Variants in CCNY observed in about 807,000 individuals in gnomAD.
The protein encoded by CCNY is cyclin Y.
CCNY carries 19 observed loss-of-function variants against 42.8 expected under a neutral mutation model. That is an observed-to-expected ratio of 0.44 (90% CI 0.31 to 0.65). The LOEUF is 0.65. Among genes scored for constraint, CCNY ranks in the 30% least tolerant of loss-of-function variants. The probability of loss-of-function intolerance (pLI) is 0.07; values close to 1 mark genes in which losing one functional copy is unlikely to be tolerated. For missense variants in CCNY, 370 were observed against 437.3 expected (o/e 0.85, Z 1.37); for synonymous variants, 165 against 162.7 (o/e 1.01, Z -0.11).
intron 1 of CCNY, among the ~76,000 whole-genome samples, chr10:35,360,026 G>T (rs777402384): frequency 3.3e-5 from 5 of 152,222 alleles, no homozygotes; most frequent in Non-Finnish European, 7.3e-5. Flanking sequence ...GGACAGTTGA[G>T]TTGCTTCTGC....
intron 1 of CCNY, among the ~76,000 whole-genome samples, chr10:35,461,332 A>G (rs1161851065): frequency 6.6e-6 from 1 of 152,180 alleles, no homozygotes; most frequent in Non-Finnish European, 1.5e-5. Context: ...GTGGGAATTT[A>G]TGGCCAAGGA....
chr10:35,493,621 A>G (rs1006259131), intron 2 of CCNY, among the ~76,000 whole-genome samples: 1 of 152,232 alleles, frequency 6.6e-6, no homozygotes, highest in East Asian at 1.9e-4. Context: ...GCCTGAAGAT[A>G]GCGATCCTCT....
chr10:35,383,809 T>C (rs1054994885), intron 1 of CCNY, among the ~76,000 whole-genome samples: 2 of 152,214 alleles, frequency 1.3e-5, no homozygotes, highest in East Asian at 3.8e-4. Flanking sequence ...TTGGGGACAG[T>C]ACTTTTAGGT....
At chr10:35,470,141 A>C (rs1057144721) in intron 1 of CCNY, among the ~76,000 whole-genome samples, 2 of 151,420 alleles carry the variant, frequency 1.3e-5, no homozygotes, top group African/African-American at 4.9e-5. Flanking sequence ...ATGGGGAGAC[A>C]AGGCAGTGGA....
intron 1 of CCNY, among the ~76,000 whole-genome samples, chr10:35,359,221 G>A (rs1407221797): frequency 6.6e-6 from 1 of 152,124 alleles, no homozygotes; most frequent in Non-Finnish European, 1.5e-5. Context: ...CCCCTGTCCT[G>A]TCCCCTCTGT....
intron 2 of CCNY, among the ~76,000 whole-genome samples, chr10:35,498,881 G>A (rs11010212): frequency 5.3e-5 from 8 of 152,204 alleles, no homozygotes; most frequent in Non-Finnish European, 1.0e-4. Flanking sequence ...AGGAAATAGG[G>A]TAGTGTGTAG....
chr10:35,449,918 A>C, intron 1 of CCNY: 1 of 447,164 alleles, frequency 2.2e-6, no homozygotes, highest in Non-Finnish European at 3.0e-6. Context: ...TAGGGTGTCA[A>C]GAGTTTACGG....
At chr10:35,337,498 C>T (rs1446224500) in intron 1 of CCNY, among the ~76,000 whole-genome samples, 6 of 152,232 alleles carry the variant, frequency 3.9e-5, no homozygotes, top group Admixed American at 2.0e-4. Flanking sequence ...AGCCGGCCCT[C>T]GTCCTTAATG....
chr10:35,274,035 C>G (rs145411549), intron 3 of CCNY, among the ~76,000 whole-genome samples: 1,622 of 152,258 alleles, frequency 0.011, 49 homozygotes, highest in South Asian at 0.1. Context: ...GTGTATTAGT[C>G]TGTTCTCAGG....
chr10:35,480,218 G>T (rs1270576131), intron 1 of CCNY, among the ~76,000 whole-genome samples: 1 of 152,166 alleles, frequency 6.6e-6, no homozygotes, highest in South Asian at 2.1e-4. Context: ...TGTGGCCCAG[G>T]GAGCATTCTT....
intron 4 of CCNY, among the ~76,000 whole-genome samples, chr10:35,522,086 G>A (rs116820570): frequency 0.01 from 1,582 of 152,272 alleles, 24 homozygotes; most frequent in African/African-American, 0.036. Flanking sequence ...CAGAGCGCCA[G>A]TTTACCACTA....
intron 1 of CCNY, among the ~76,000 whole-genome samples, chr10:35,453,655 T>C (rs1253061664): frequency 6.6e-6 from 1 of 152,254 alleles, no homozygotes; most frequent in Non-Finnish European, 1.5e-5. Context: ...GGCTTATTTT[T>C]TACTCCTTTA....
chr10:35,520,934 G>A (rs746972331), intron 4 of CCNY, among the ~76,000 whole-genome samples: 9 of 152,100 alleles, frequency 5.9e-5, no homozygotes, highest in Non-Finnish European at 1.0e-4. Flanking sequence ...GCCCCTTTGC[G>A]CACTTGGCCA....
intron 3 of CCNY, among the ~76,000 whole-genome samples, chr10:35,285,709 G>A (rs1815358903): frequency 6.6e-6 from 1 of 152,222 alleles, no homozygotes; most frequent in Admixed American, 6.5e-5. Context: ...CGGGATTAGG[G>A]GCGTGAGCCA....
chr10:35,392,048 T>C (rs1305698861), intron 1 of CCNY, among the ~76,000 whole-genome samples: 2 of 152,224 alleles, frequency 1.3e-5, no homozygotes, highest in Non-Finnish European at 2.9e-5. Flanking sequence ...TATGTCATTA[T>C]AAAAGGAACA....
chr10:35,386,535 A>T (rs1460319356), intron 1 of CCNY, among the ~76,000 whole-genome samples: 1 of 152,208 alleles, frequency 6.6e-6, no homozygotes, highest in Non-Finnish European at 1.5e-5. Flanking sequence ...TTTCCATTAT[A>T]AAAATACTAT....
At chr10:35,565,361 G>A (rs970808639) in intron 8 of CCNY, among the ~76,000 whole-genome samples, 1 of 152,146 alleles carries the variant, frequency 6.6e-6, no homozygotes, top group Admixed American at 6.5e-5. Flanking sequence ...CAGACCTACT[G>A]ATCCCCACAG....
At chr10:35,330,952 G>T (rs1478161894) in intron 3 of CCNY, among the ~76,000 whole-genome samples, 4 of 152,288 alleles carry the variant, frequency 2.6e-5, no homozygotes, top group African/African-American at 9.6e-5. Context: ...TAGAGACGGG[G>T]TTTTGCCATG....
At chr10:35,521,532 T>C (rs1278158260) in intron 4 of CCNY, among the ~76,000 whole-genome samples, 1 of 152,110 alleles carries the variant, frequency 6.6e-6, no homozygotes, top group Non-Finnish European at 1.5e-5. Context: ...ACTGGTTCTG[T>C]CTGGAGGTGA....
Sources: allele counts gnomAD v4.1 joint callset (sites outside exome capture counted in the v4.1 genomes callset), GRCh38; gene constraint gnomAD v4.1.1; transcripts MANE v1.5; gene names NCBI Gene and HGNC (gene_info 2026-07-23, HGNC 2026-07-21).